The following RFTN2 variants were observed in gnomAD, a reference collection of about 807,000 sequenced individuals.
RFTN2 encodes raftlin family member 2.
A neutral mutation model predicts 52.7 loss-of-function variants in RFTN2; 34 were observed. The ratio of observed to expected loss-of-function variants is 0.64; its 90% CI spans 0.49 to 0.86. The LOEUF is 0.86. Ranked by LOEUF, RFTN2 falls within the 40% of genes least tolerant of loss-of-function variation. The probability of loss-of-function intolerance (pLI) is 0.00; values close to 1 mark genes in which losing one functional copy is unlikely to be tolerated. For missense variants in RFTN2, 536 were observed against 600.1 expected (o/e 0.89, Z 1.12); for synonymous variants, 203 against 217.7 (o/e 0.93, Z 0.59).
rs574430173 is a variant in RFTN2 at position 197,579,530 on chromosome 2, G to A, written c.1234-7250C>T. Among the ~76,000 whole-genome samples the A allele has an allele frequency of 9.2e-4, 140 of 152,028 alleles. 1 individual carries two copies. Among genetic ancestry groups the A allele is most frequent in the African/African-American group, 3.2e-3 (132 of 41,460 alleles). ...CAGAAAATGGCACTTTCAATTTTTC[G>A]GTCCTACAAGATCTAGATAATTCTT... On this transcript the variant is annotated intron_variant, in intron 8 of 8. Coordinates refer to ENST00000295049, the MANE Select transcript of RFTN2 (RefSeq NM_144629.3).
intron 1 of RFTN2, among the ~76,000 whole-genome samples, chr2:197,673,428 A>G (rs1298148780): frequency 6.6e-6 from 1 of 152,184 alleles, no homozygotes; most frequent in Non-Finnish European, 1.5e-5. Context: ...GGCAATGGGG[A>G]AGACAGAAAC....
chr2:197,658,656 A>G (rs116523406), intron 1 of RFTN2, among the ~76,000 whole-genome samples: 2,586 of 152,248 alleles, frequency 0.017, 71 homozygotes, highest in African/African-American at 0.059. Flanking sequence ...TGAACAGCAC[A>G]GGTGGTTAGC....
At chr2:197,671,783 G>C (rs2089151319) in intron 1 of RFTN2, among the ~76,000 whole-genome samples, 1 of 152,118 alleles carries the variant, frequency 6.6e-6, no homozygotes, top group African/African-American at 2.4e-5. Context: ...ATTCAGATAA[G>C]GAAGCTACCA....
intron 6 of RFTN2, among the ~76,000 whole-genome samples, chr2:197,616,561 G>A (rs1312698009): frequency 1.3e-5 from 2 of 152,038 alleles, no homozygotes; most frequent in African/African-American, 4.8e-5. Context: ...TAAAGTGCTG[G>A]GGTTACAGAC....
intron 1 of RFTN2, among the ~76,000 whole-genome samples, chr2:197,672,693 GAGAT>G (rs1201456283): frequency 4.6e-5 from 7 of 152,174 alleles, no homozygotes; most frequent in South Asian, 2.1e-4. Flanking sequence ...TGAGGAAACT[GAGAT>G]AGAGCAACAT....
At chr2:197,657,810 G>C (rs967281049) in intron 1 of RFTN2, among the ~76,000 whole-genome samples, 5 of 152,080 alleles carry the variant, frequency 3.3e-5, no homozygotes, top group African/African-American at 1.2e-4. Context: ...ATTCAAGGAA[G>C]GTAAACCCAG....
chr2:197,575,051 T>C (rs1004541056), intron 8 of RFTN2, among the ~76,000 whole-genome samples: 1 of 152,146 alleles, frequency 6.6e-6, no homozygotes, highest in Non-Finnish European at 1.5e-5. Flanking sequence ...TTCCCAAGTG[T>C]TGTGGGAGTG....
At chr2:197,606,708 A>C (rs2087967531) in intron 7 of RFTN2, among the ~76,000 whole-genome samples, 1 of 151,754 alleles carries the variant, frequency 6.6e-6, no homozygotes, top group Non-Finnish European at 1.5e-5. Flanking sequence ...ACATTTATGC[A>C]GCCAAAAAAC....
At position 197,652,390 on chromosome 2, in the gene RFTN2, C is replaced by T. The variant is rs868842370; in HGVS notation, c.140-5724G>A. ...ATGCAGCATTACCAATACTCTTGAC[C>T]GCTCATAGGAAGATTACGTGGAAAA... On this transcript the variant is annotated intron_variant, in intron 1 of 8. Coordinates refer to ENST00000295049, the MANE Select transcript of RFTN2 (RefSeq NM_144629.3). Among the ~76,000 whole-genome samples the T allele has an allele frequency of 3.3e-5, 5 of 152,102 alleles. No individual in the cohort carries two copies. The East Asian group carries it at 7.7e-4, about 23-fold the overall frequency.
At chr2:197,607,303 G>A (rs895010795) in intron 7 of RFTN2, among the ~76,000 whole-genome samples, 12 of 152,060 alleles carry the variant, frequency 7.9e-5, no homozygotes, top group African/African-American at 2.7e-4. Context: ...ACACAGGAAG[G>A]GGAACATCAC....
chr2:197,569,188 G>A lies in RFTN2; in HGVS notation c.*2820C>T, dbSNP rs2087277992. Reference sequence around the variant, plus strand: ...AATGCCATAGATACTACACCAAGGGGAATGGCAGATCTTCACCCAACATCT... The same window carrying A: ...AATGCCATAGATACTACACCAAGGGAAATGGCAGATCTTCACCCAACATCT... On this transcript the variant is annotated 3_prime_UTR_variant, in exon 9 of 9. Coordinates refer to ENST00000295049, the MANE Select transcript of RFTN2 (RefSeq NM_144629.3). 1 of 152,134 alleles carries A rather than the reference G, an allele frequency of 6.6e-6. No homozygotes were observed. Among genetic ancestry groups the A allele is most frequent in the South Asian group, 2.1e-4 (1 of 4,834 alleles). The allele number at this position is 152,134 out of a possible 1,614,324, so 9.4% of individuals were successfully genotyped here.
intron 8 of RFTN2, among the ~76,000 whole-genome samples, chr2:197,591,734 C>T (rs550365802): frequency 3.3e-5 from 5 of 152,246 alleles, no homozygotes; most frequent in African/African-American, 7.2e-5. Context: ...GGTGAAAAAT[C>T]GAGGGCAGTG....
At chr2:197,634,358 A>C (rs1294614675) in intron 3 of RFTN2, among the ~76,000 whole-genome samples, 1 of 152,186 alleles carries the variant, frequency 6.6e-6, no homozygotes, top group Non-Finnish European at 1.5e-5. Flanking sequence ...TATTCCAAGA[A>C]ATTCCTAAAA....
At chr2:197,669,669 C>G (rs1028682567) in intron 1 of RFTN2, among the ~76,000 whole-genome samples, 8 of 152,168 alleles carry the variant, frequency 5.3e-5, no homozygotes, top group Non-Finnish European at 1.0e-4. Flanking sequence ...CTATGAGAAC[C>G]TATGAGAATC....
chr2:197,645,396 A>G (rs1213293403), intron 2 of RFTN2, among the ~76,000 whole-genome samples: 2 of 152,232 alleles, frequency 1.3e-5, no homozygotes, highest in Non-Finnish European at 2.9e-5. Flanking sequence ...TCACACAATG[A>G]CAAAGCAGCC....
intron 2 of RFTN2, among the ~76,000 whole-genome samples, chr2:197,645,826 A>C (rs1200877885): frequency 6.6e-6 from 1 of 152,150 alleles, no homozygotes; most frequent in African/African-American, 2.4e-5. Flanking sequence ...GGAGTTCGAG[A>C]CCAGCCTGGT....
intron 3 of RFTN2, among the ~76,000 whole-genome samples, chr2:197,637,256 A>T (rs559264346): frequency 0.011 from 1,620 of 152,196 alleles, 12 homozygotes; most frequent in Non-Finnish European, 0.018. Flanking sequence ...TAGCCTCATA[A>T]AATGAGTTAG....
rs376449423 is a variant in RFTN2 at position 197,660,651 on chromosome 2, G to T, written c.140-13985C>A. ...AACAAGATGCAGTGGTGCCTCCCAG[G>T]TTCAAGTGATTCTCGTGTCTCAGCC... On this transcript the variant is annotated intron_variant, in intron 1 of 8. Coordinates refer to ENST00000295049, the MANE Select transcript of RFTN2 (RefSeq NM_144629.3). Among the ~76,000 whole-genome samples the T allele has an allele frequency of 4.3e-3, 647 of 151,766 alleles. 3 individuals are homozygous for T. The highest frequency in any genetic ancestry group is 0.015 in the African/African-American group (620 of 41,322).
At chr2:197,596,956 T>C (rs1051932965) in intron 7 of RFTN2, among the ~76,000 whole-genome samples, 5 of 152,228 alleles carry the variant, frequency 3.3e-5, no homozygotes, top group Non-Finnish European at 5.9e-5. Context: ...AGAGTCTCCA[T>C]GGATTTATGG....
Sources: allele counts gnomAD v4.1 joint callset (sites outside exome capture counted in the v4.1 genomes callset), GRCh38; gene constraint gnomAD v4.1.1; transcripts MANE v1.5; gene names NCBI Gene and HGNC (gene_info 2026-07-23, HGNC 2026-07-21).